Variants in MAN2A1 observed in about 807,000 individuals in gnomAD.
MAN2A1 encodes mannosidase alpha class 2A member 1, also known as alpha-mannosidase 2.
MAN2A1 carries 76 observed loss-of-function variants against 142.6 expected under a neutral mutation model. That is an observed-to-expected ratio of 0.53 (90% confidence interval 0.44 to 0.65). MAN2A1 has a LOEUF of 0.65. Among genes scored for constraint, MAN2A1 ranks in the 30% least tolerant of loss-of-function variants. The pLI is 0.00. For synonymous variants in MAN2A1, 559 were observed against 473.2 expected (o/e 1.18, Z -2.35); for missense variants, 1,311 against 1,365.1 (o/e 0.96, Z 0.62).
intron 8 of MAN2A1, among the ~76,000 whole-genome samples, chr5:109,776,075 T>C (rs1753283551): frequency 6.6e-6 from 1 of 151,844 alleles, no homozygotes; most frequent in African/African-American, 2.4e-5. Flanking sequence ...AAGTCTTTTT[T>C]TTTTTTTTCT....
chr5:109,849,816 C>G (rs1192139131), intron 19 of MAN2A1, among the ~76,000 whole-genome samples: 1 of 152,066 alleles, frequency 6.6e-6, no homozygotes, highest in Non-Finnish European at 1.5e-5. Context: ...ACCACGGCCT[C>G]CAGAGCCCCT....
chr5:109,734,187 T>A (rs1752011554), intron 4 of MAN2A1, among the ~76,000 whole-genome samples: 1 of 151,728 alleles, frequency 6.6e-6, no homozygotes, highest in Non-Finnish European at 1.5e-5. Context: ...TAGTTTGTAT[T>A]TCTGTGGGAT....
chr5:109,750,131 A>G (rs908856594), intron 4 of MAN2A1, among the ~76,000 whole-genome samples: 1 of 152,000 alleles, frequency 6.6e-6, no homozygotes, highest in Non-Finnish European at 1.5e-5. Context: ...GGTTATTGCT[A>G]TGCTTCTCAG....
chr5:109,807,825 A>T (rs1024566580), intron 12 of MAN2A1, among the ~76,000 whole-genome samples: 2 of 152,178 alleles, frequency 1.3e-5, no homozygotes, highest in African/African-American at 2.4e-5. Flanking sequence ...CTGATTTTTA[A>T]ATTTCCAGTG....
intron 1 of MAN2A1, among the ~76,000 whole-genome samples, chr5:109,706,609 C>T (rs1258562989): frequency 6.6e-6 from 1 of 152,186 alleles, no homozygotes; most frequent in African/African-American, 2.4e-5. Context: ...TTGCTTCCAC[C>T]TTTATCTGGT....
intron 16 of MAN2A1, among the ~76,000 whole-genome samples, chr5:109,837,595 A>G (rs142572378): frequency 2.6e-5 from 4 of 152,258 alleles, no homozygotes; most frequent in South Asian, 2.1e-4. Context: ...GAGTCATTAT[A>G]TGTAAAGCTT....
At chr5:109,852,246 A>G (rs184745604) in intron 19 of MAN2A1, among the ~76,000 whole-genome samples, 119 of 151,838 alleles carry the variant, frequency 7.8e-4, no homozygotes, top group African/African-American at 1.2e-3. Context: ...TCCAAATGTT[A>G]TGATTCAATG....
intron 12 of MAN2A1, among the ~76,000 whole-genome samples, chr5:109,790,950 A>G (rs1020603654): frequency 1.3e-5 from 2 of 152,086 alleles, no homozygotes; most frequent in East Asian, 3.9e-4. Flanking sequence ...TTAGCAAACA[A>G]TAATTGATAA....
At position 109,825,178 on chromosome 5, in the gene MAN2A1, T is replaced by C. The variant is rs75156767; in HGVS notation, c.2566+1341T>C. On this transcript the variant is annotated intron_variant, in intron 16 of 21. Transcript: ENST00000261483. ...TTGATCATCTGTTTGTACTCTTGTG[T>C]AAGCCATTATTTAATACCCCTGAGA... Among the ~76,000 whole-genome samples, 60 of 152,344 alleles carry C rather than the reference T, an allele frequency of 3.9e-4. No individual in the cohort carries two copies. The East Asian group carries it at 0.011, about 28-fold the overall frequency.
chr5:109,844,456 A>C (rs985488666), intron 17 of MAN2A1, among the ~76,000 whole-genome samples: 1 of 152,130 alleles, frequency 6.6e-6, no homozygotes, highest in Non-Finnish European at 1.5e-5. Flanking sequence ...AGAAATAGAG[A>C]ATTCTTTTAA....
chr5:109,816,065 T>G (rs747689105), intron 12 of MAN2A1, among the ~76,000 whole-genome samples: 1 of 152,182 alleles, frequency 6.6e-6, no homozygotes, highest in Non-Finnish European at 1.5e-5. Flanking sequence ...AATGTGATGG[T>G]CTAGAACGTC....
chr5:109,816,829 A>G (rs1305627133), intron 12 of MAN2A1, among the ~76,000 whole-genome samples: 2 of 152,196 alleles, frequency 1.3e-5, no homozygotes, highest in African/African-American at 4.8e-5. Flanking sequence ...TTTGTAAAGC[A>G]TTAATTCTTT....
intron 19 of MAN2A1, among the ~76,000 whole-genome samples, chr5:109,852,062 G>A (rs1349177372): frequency 2.0e-5 from 3 of 150,640 alleles, no homozygotes; most frequent in Non-Finnish European, 3.0e-5. Context: ...CAGTTTCTTG[G>A]GTAAAAAACA....
intron 12 of MAN2A1, among the ~76,000 whole-genome samples, chr5:109,798,385 CT>C (rs766961199): frequency 2.6e-4 from 40 of 152,216 alleles, no homozygotes; most frequent in Non-Finnish European, 8.8e-5. Context: ...CTCCTAAGTT[CT>C]AGACCCACTG....
intron 12 of MAN2A1, among the ~76,000 whole-genome samples, chr5:109,809,140 T>C (rs1754252807): frequency 6.6e-6 from 1 of 152,186 alleles, no homozygotes; most frequent in Non-Finnish European, 1.5e-5. Flanking sequence ...ATTATAATGC[T>C]GCCACCTAAC....
chr5:109,809,526 G>A (rs1332096522), intron 12 of MAN2A1, among the ~76,000 whole-genome samples: 1 of 151,958 alleles, frequency 6.6e-6, no homozygotes, highest in Non-Finnish European at 1.5e-5. Flanking sequence ...AGATTTTTAG[G>A]CTGGCAGTAT....
At chr5:109,796,411 A>G in intron 12 of MAN2A1, among the ~76,000 whole-genome samples, 2 of 152,336 alleles carry the variant, frequency 1.3e-5, no homozygotes, top group South Asian at 2.1e-4. Context: ...AGAATAACAC[A>G]TACATATCAT....
intron 4 of MAN2A1, among the ~76,000 whole-genome samples, chr5:109,731,223 G>A (rs1183748205): frequency 6.6e-6 from 1 of 150,784 alleles, no homozygotes; most frequent in Non-Finnish European, 1.5e-5. Context: ...AGGAATGTTG[G>A]AATTCTCCTC....
At chr5:109,832,128 CATAA>C (rs1249434022) in intron 16 of MAN2A1, among the ~76,000 whole-genome samples, 4 of 134,932 alleles carry the variant, frequency 3.0e-5, no homozygotes, top group Non-Finnish European at 6.2e-5. Flanking sequence ...AAGTTGTTCA[CATAA>C]ATAAGTAGCT....
Sources: allele counts gnomAD v4.1 joint callset (sites outside exome capture counted in the v4.1 genomes callset), GRCh38; gene constraint gnomAD v4.1.1; transcripts MANE v1.5; gene names NCBI Gene and HGNC (gene_info 2026-07-23, HGNC 2026-07-21).